Variants in GALNTL6 observed in about 807,000 individuals in gnomAD.
GALNTL6 encodes the protein polypeptide N-acetylgalactosaminyltransferase like 6.
A neutral mutation model predicts 73.7 loss-of-function variants in GALNTL6; 46 were observed. That is an observed-to-expected ratio of 0.62 (90% CI 0.49 to 0.80). The LOEUF (loss-of-function observed/expected upper bound fraction) is 0.80, where lower values mean the gene tolerates loss of function less well. GALNTL6 is among the 30% of genes least tolerant of loss of function. The probability of loss-of-function intolerance (pLI) is 0.00; values close to 1 mark genes in which losing one functional copy is unlikely to be tolerated. For missense variants in GALNTL6, 604 were observed against 755.0 expected, an observed-to-expected ratio of 0.80 and a Z score of 2.34; for synonymous variants, 259 against 263.7, an observed-to-expected ratio of 0.98 and a Z score of 0.17.
At chr4:172,091,818 G>A (rs896059021) in intron 2 of GALNTL6, among the ~76,000 whole-genome samples, 1 of 152,178 alleles carries the variant, frequency 6.6e-6, no homozygotes, top group Non-Finnish European at 1.5e-5. Context: ...TAAAGCTATA[G>A]ATAGCTGAAG....
intron 5 of GALNTL6, among the ~76,000 whole-genome samples, chr4:172,579,145 G>A (rs775765055): frequency 3.3e-5 from 5 of 152,124 alleles, no homozygotes; most frequent in Non-Finnish European, 5.9e-5. Flanking sequence ...ACTATGCAGC[G>A]AAGACAGAAT....
intron 5 of GALNTL6, chr4:172,380,128 T>C (rs1743226004): frequency 9.7e-7 from 1 of 1,025,898 alleles, no homozygotes; most frequent in Non-Finnish European, 1.5e-6. Context: ...CATTTGCTAA[T>C]GGATCATCTG....
intron 5 of GALNTL6, among the ~76,000 whole-genome samples, chr4:172,438,611 T>G (rs950091074): frequency 2.6e-5 from 4 of 152,096 alleles, no homozygotes; most frequent in Non-Finnish European, 5.9e-5. Context: ...TTGTTAAATC[T>G]TACTTTTTGC....
chr4:172,177,879 C>T (rs905678674), intron 2 of GALNTL6, among the ~76,000 whole-genome samples: 4 of 54,388 alleles, frequency 7.4e-5, no homozygotes, highest in Admixed American at 2.5e-4. Context: ...GCATGCTAAT[C>T]GTGAAGAAAT....
At chr4:173,016,625 T>C (rs992740935) in intron 11 of GALNTL6, among the ~76,000 whole-genome samples, 15 of 152,246 alleles carry the variant, frequency 9.9e-5, no homozygotes, top group African/African-American at 3.4e-4. Flanking sequence ...CCAATGCCTG[T>C]ACCCACATTG....
chr4:172,262,109 C>T (rs1738276828), intron 3 of GALNTL6, among the ~76,000 whole-genome samples: 1 of 151,242 alleles, frequency 6.6e-6, no homozygotes, highest in Non-Finnish European at 1.5e-5. Flanking sequence ...GTATATCTTG[C>T]AGTTGTTGGA....
chr4:172,827,508 A>G lies in GALNTL6; in HGVS notation c.923+13785A>G, dbSNP rs1347462704. ...GGGAGGAAGTGGGGACAATCCCTCT[A>G]TGTTCTGGAATCCTAAAGCTGATCT... is the stretch of plus-strand genomic sequence containing the variant. On this transcript the variant is annotated intron_variant, in intron 7 of 12. Transcript: ENST00000506823. 2.6e-5 allele frequency among the ~76,000 whole-genome samples: 4 copies of G among 152,092 alleles called. No individual in the cohort carries two copies. In the East Asian group the frequency reaches 7.7e-4, roughly 29 times the overall value.
intron 3 of GALNTL6, among the ~76,000 whole-genome samples, chr4:172,279,513 TATC>T (rs1376993776): frequency 6.6e-6 from 1 of 152,078 alleles, no homozygotes; most frequent in African/African-American, 2.4e-5. Flanking sequence ...TACAATAAAA[TATC>T]ATCTCACACC....
chr4:172,261,520 T>C (rs1738256124), intron 3 of GALNTL6, among the ~76,000 whole-genome samples: 1 of 151,552 alleles, frequency 6.6e-6, no homozygotes, highest in African/African-American at 2.4e-5. Context: ...ATCTCACTAA[T>C]GTTCGATCAC....
chr4:172,625,263 C>T (rs945900386), intron 5 of GALNTL6, among the ~76,000 whole-genome samples: 1 of 151,804 alleles, frequency 6.6e-6, no homozygotes, highest in Non-Finnish European at 1.5e-5. Context: ...CCGTACATAC[C>T]CAATGTTTAA....
chr4:171,836,684 A>G (rs1454083138), intron 2 of GALNTL6, among the ~76,000 whole-genome samples: 1 of 152,140 alleles, frequency 6.6e-6, no homozygotes, highest in Non-Finnish European at 1.5e-5. Context: ...TCATGTTAAC[A>G]CATTCAACTT....
At chr4:172,039,426 G>A (rs1742025168) in intron 2 of GALNTL6, among the ~76,000 whole-genome samples, 1 of 152,124 alleles carries the variant, frequency 6.6e-6, no homozygotes, top group Non-Finnish European at 1.5e-5. Flanking sequence ...GCAGACAAAT[G>A]GTGAGGGTAG....
chr4:172,202,836 A>G (rs1188244772), intron 2 of GALNTL6, among the ~76,000 whole-genome samples: 1 of 152,240 alleles, frequency 6.6e-6, no homozygotes, highest in East Asian at 1.9e-4. Context: ...TTTTCACAAA[A>G]TGGATGATTT....
intron 7 of GALNTL6, among the ~76,000 whole-genome samples, chr4:172,841,043 T>A (rs1743179204): frequency 6.6e-6 from 1 of 152,210 alleles, no homozygotes; most frequent in Non-Finnish European, 1.5e-5. Flanking sequence ...TCTCCTTCCA[T>A]AGGTCTTCAT....
At chr4:171,962,817 A>T in intron 2 of GALNTL6, among the ~76,000 whole-genome samples, 1 of 128,034 alleles carries the variant, frequency 7.8e-6, no homozygotes, top group African/African-American at 3.0e-5. Flanking sequence ...GCCAGGCAAG[A>T]GTGCAGTGGC....
intron 2 of GALNTL6, among the ~76,000 whole-genome samples, chr4:172,094,607 T>C (rs1732297362): frequency 6.6e-6 from 1 of 152,118 alleles, no homozygotes; most frequent in Non-Finnish European, 1.5e-5. Flanking sequence ...TGTGTTTTTT[T>C]ATATTTTCAT....
chr4:172,085,078 A>G (rs986158301), intron 2 of GALNTL6, among the ~76,000 whole-genome samples: 1 of 152,214 alleles, frequency 6.6e-6, no homozygotes, highest in African/African-American at 2.4e-5. Context: ...TAAGCAAAAA[A>G]TAATACATAT....
intron 5 of GALNTL6, among the ~76,000 whole-genome samples, chr4:172,517,373 A>T (rs556631735): frequency 9.2e-5 from 14 of 152,196 alleles, no homozygotes; most frequent in Admixed American, 6.5e-4. Flanking sequence ...TAACATTTTG[A>T]CTAAGATTTT....
intron 2 of GALNTL6, among the ~76,000 whole-genome samples, chr4:172,014,526 G>T (rs1247224961): frequency 2.0e-5 from 3 of 151,690 alleles, no homozygotes; most frequent in South Asian, 4.2e-4. Context: ...TCTCTTTTTT[G>T]TTGTTGTTGT....
Sources: allele counts gnomAD v4.1 joint callset (sites outside exome capture counted in the v4.1 genomes callset), GRCh38; gene constraint gnomAD v4.1.1; transcripts MANE v1.5; gene names NCBI Gene and HGNC (gene_info 2026-07-23, HGNC 2026-07-21).